The following EFHC2 variants were observed in gnomAD, a reference collection of about 807,000 sequenced individuals.
The protein encoded by EFHC2 is EF-hand domain containing 2, also known as EF-hand domain-containing family member C2.
Under a neutral mutation model 52.7 loss-of-function variants are expected in EFHC2, and 18 were observed. The ratio of observed to expected loss-of-function variants is 0.34; its 90% confidence interval spans 0.24 to 0.51. The LOEUF is 0.51. EFHC2 is among the 20% of genes least tolerant of loss of function. The pLI is 0.97. For synonymous variants in EFHC2, 203 were observed against 204.1 expected, an observed-to-expected ratio of 0.99 and a Z score of 0.04; for missense variants, 513 against 562.5, an observed-to-expected ratio of 0.91 and a Z score of 0.89.
chrX:44,335,739 AAAC>A (rs2038112618), intron 1 of EFHC2, among the ~76,000 whole-genome samples: 1 of 112,257 alleles, frequency 8.9e-6, no homozygotes, highest in South Asian at 3.6e-4. Flanking sequence ...TTTGCATTGA[AAAC>A]AATAGTTTTT....
chrX:44,271,381 G>A, intron 3 of EFHC2, among the ~76,000 whole-genome samples: 1 of 111,765 alleles, frequency 8.9e-6, no homozygotes, highest in Non-Finnish European at 1.9e-5. Flanking sequence ...TTTTCTAGGA[G>A]AGTGAAGAAC....
chrX:44,231,695 T>A (rs979603247), intron 10 of EFHC2, among the ~76,000 whole-genome samples: 8 of 111,879 alleles, frequency 7.2e-5, no homozygotes, highest in African/African-American at 2.6e-4. Context: ...ATTTTATATA[T>A]AAATGAGACA....
rs1246624287 is a variant in EFHC2, at chrX:44,156,404, C to A, written c.2149-7508G>T. On this transcript the variant is annotated intron_variant, in intron 14 of 14. Coordinates refer to ENST00000420999, the MANE Select transcript of EFHC2 (RefSeq NM_025184.4). ...ATACAATCCTTACCATTAGGAATATCTCCGAGCCTCAGCTTCCTGTCTATA... is the reference window on the plus strand; with the variant it reads ...ATACAATCCTTACCATTAGGAATATATCCGAGCCTCAGCTTCCTGTCTATA... Among the ~76,000 whole-genome samples the A allele has an allele frequency of 4.4e-5, 5 of 112,593 alleles. No individual in the cohort carries two copies. In the Admixed American group the frequency reaches 4.7e-4, roughly 11 times the overall value.
At position 44,148,666 on chromosome X, in the gene EFHC2, T is replaced by G; in HGVS notation, c.*129A>C. 3.6e-6 allele frequency: 2 copies of G among 552,769 alleles called. No individual in the cohort carries two copies. The highest frequency in any genetic ancestry group is 5.8e-6 in the Non-Finnish European group (2 of 347,782). The allele number at this position is 552,769 out of a possible 1,213,427, so 45.6% of individuals were successfully genotyped here. On this transcript the variant is annotated 3_prime_UTR_variant, in exon 15 of 15. Coordinates refer to ENST00000420999, the MANE Select transcript of EFHC2 (RefSeq NM_025184.4). The stretch of plus-strand genomic sequence containing the variant: ...ACTAACATGACAAAATAGGATTAAT[T>G]GTGGTTTATGGATTTCCATTTAATA...
intron 14 of EFHC2, among the ~76,000 whole-genome samples, chrX:44,151,096 A>G (rs978579849): frequency 1.8e-5 from 2 of 110,833 alleles, no homozygotes; most frequent in African/African-American, 6.6e-5. Context: ...AAGTCTAGGA[A>G]GAGGCAGGGA....
chrX:44,190,792 C>T (rs2036913887), intron 11 of EFHC2, among the ~76,000 whole-genome samples: 1 of 110,481 alleles, frequency 9.1e-6, no homozygotes, highest in Non-Finnish European at 1.9e-5. Flanking sequence ...GGTTTCTTCT[C>T]ACATCCCAAA....
At chrX:44,284,276 G>GT (rs1412321160) in intron 2 of EFHC2, 3 of 111,863 alleles carry the variant, frequency 2.7e-5, no homozygotes, top group African/African-American at 9.8e-5. Context: ...TGCCAGCCCC[G>GT]TTTTTAAAGA....
At chrX:44,307,188 G>A (rs1214119755) in intron 2 of EFHC2, among the ~76,000 whole-genome samples, 1 of 110,887 alleles carries the variant, frequency 9.0e-6, no homozygotes, top group Non-Finnish European at 1.9e-5. Flanking sequence ...ACCCCAGCAT[G>A]GATCTGGGTG....
chrX:44,204,772 A>C (rs755187235), intron 11 of EFHC2, among the ~76,000 whole-genome samples: 30 of 111,843 alleles, frequency 2.7e-4, no homozygotes, highest in Admixed American at 9.5e-5. Flanking sequence ...CATTCGAGAG[A>C]GAGAAGGAGA....
chrX:44,170,990 G>A (rs939187146), intron 13 of EFHC2, among the ~76,000 whole-genome samples: 7 of 112,329 alleles, frequency 6.2e-5, no homozygotes, highest in African/African-American at 2.3e-4. Flanking sequence ...TCAAGTCCTA[G>A]CTCACAGTGC....
intron 4 of EFHC2, among the ~76,000 whole-genome samples, chrX:44,253,637 A>G (rs2147339564): frequency 8.9e-6 from 1 of 112,280 alleles, no homozygotes; most frequent in South Asian, 3.7e-4. Flanking sequence ...AGGCTTATAG[A>G]TAAAACTCCC....
chrX:44,164,743 T>C (rs774108707), intron 13 of EFHC2, among the ~76,000 whole-genome samples: 2 of 112,083 alleles, frequency 1.8e-5, no homozygotes, highest in Non-Finnish European at 3.8e-5. Flanking sequence ...CTTTAGACTT[T>C]TGTGTATCAT....
intron 8 of EFHC2, among the ~76,000 whole-genome samples, chrX:44,238,929 T>C (rs1337296046): frequency 8.9e-6 from 1 of 111,838 alleles, no homozygotes; most frequent in Non-Finnish European, 1.9e-5. Context: ...CAGGCCTTGG[T>C]GTCTATTTTG....
At chrX:44,197,194 CAAGA>C (rs1005266717) in intron 11 of EFHC2, among the ~76,000 whole-genome samples, 5 of 111,930 alleles carry the variant, frequency 4.5e-5, no homozygotes, top group Non-Finnish European at 7.5e-5. Context: ...AATCATCCTT[CAAGA>C]AAGGTCAAAA....
chrX:44,325,303 G>C (rs1471228252), intron 1 of EFHC2, among the ~76,000 whole-genome samples: 2 of 111,290 alleles, frequency 1.8e-5, no homozygotes, highest in Non-Finnish European at 3.8e-5. Context: ...CTTTGCCATA[G>C]TGACTGTGTA....
chrX:44,152,872 G>A (rs1353700321), intron 14 of EFHC2, among the ~76,000 whole-genome samples: 2 of 111,840 alleles, frequency 1.8e-5, no homozygotes, highest in Non-Finnish European at 3.8e-5. Flanking sequence ...CTTAAGTGAT[G>A]TTTGTAAATT....
chrX:44,244,665 G>A (rs758692357), intron 7 of EFHC2, among the ~76,000 whole-genome samples: 1 of 111,637 alleles, frequency 9.0e-6, no homozygotes. Flanking sequence ...ATGCTTCTTC[G>A]TGGTGATTTT....
At chrX:44,300,816 T>C (rs2037862509) in intron 2 of EFHC2, among the ~76,000 whole-genome samples, 1 of 110,792 alleles carries the variant, frequency 9.0e-6, no homozygotes, top group Non-Finnish European at 1.9e-5. Context: ...ATCACTATTA[T>C]AAAACCTAAC....
intron 2 of EFHC2, chrX:44,310,041 A>C: frequency 3.4e-6 from 3 of 889,954 alleles, no homozygotes. Flanking sequence ...AAATCGCTCC[A>C]CCAAATTTTC....
Sources: allele counts gnomAD v4.1 joint callset (sites outside exome capture counted in the v4.1 genomes callset), GRCh38; gene constraint gnomAD v4.1.1; transcripts MANE v1.5; gene names NCBI Gene and HGNC (gene_info 2026-07-23, HGNC 2026-07-21).